C2orf76: variants seen among roughly 807,000 people sequenced by gnomAD.
C2orf76 encodes the protein UPF0538 protein C2orf76.
A neutral mutation model predicts 16.9 loss-of-function variants in C2orf76; 23 were observed. That is an observed-to-expected ratio of 1.36 (90% CI 0.98 to 1.93). The LOEUF (loss-of-function observed/expected upper bound fraction) is 1.93, where lower values mean the gene tolerates loss of function less well. C2orf76 is among the 30% of genes most tolerant of loss of function. The pLI is 0.00. For missense variants in C2orf76, 152 were observed against 152.6 expected (o/e 1.00, Z 0.02); for synonymous variants, 48 against 52.3 (o/e 0.92, Z 0.35).
chr2:119,310,879 A>C (rs1243825106), intron 5 of C2orf76, among the ~76,000 whole-genome samples: 5 of 152,170 alleles, frequency 3.3e-5, no homozygotes, highest in Non-Finnish European at 7.3e-5. Flanking sequence ...GTCTCAAAAA[A>C]TAAATAAATT....
the C2orf76 span, among the ~76,000 whole-genome samples, chr2:119,287,329 A>C: frequency 2.6e-5 from 4 of 152,152 alleles, no homozygotes; most frequent in African/African-American, 9.7e-5. Context: ...CAATATCCAC[A>C]TAATGGAAGT....
At chr2:119,323,136 C>A (rs1301896403) in intron 2 of C2orf76, among the ~76,000 whole-genome samples, 1 of 151,996 alleles carries the variant, frequency 6.6e-6, no homozygotes. Context: ...CCCACCTCAG[C>A]CTCCCAAGTA....
chr2:119,350,802 A>G (rs183860323), intron 1 of C2orf76, among the ~76,000 whole-genome samples: 1 of 152,312 alleles, frequency 6.6e-6, no homozygotes, highest in African/African-American at 2.4e-5. Context: ...CCCCTTCCCA[A>G]GCTGGCTGGT....
intron 1 of C2orf76, among the ~76,000 whole-genome samples, chr2:119,345,379 TA>T (rs1443411650): frequency 2.6e-5 from 4 of 152,270 alleles, no homozygotes; most frequent in East Asian, 1.9e-4. Flanking sequence ...GAGAAACAAA[TA>T]TTTTTTTATA....
chr2:119,345,725 A>G (rs1438035885), intron 1 of C2orf76, among the ~76,000 whole-genome samples: 1 of 152,198 alleles, frequency 6.6e-6, no homozygotes, highest in Admixed American at 6.5e-5. Context: ...GATGAAAAAA[A>G]GTTTCTTCTT....
chr2:119,283,694 T>C, the C2orf76 span, among the ~76,000 whole-genome samples: 4 of 152,022 alleles, frequency 2.6e-5, no homozygotes, highest in Non-Finnish European at 4.4e-5. Context: ...AGCCTGGTCT[T>C]GAACTCCTGA....
At chr2:119,306,170 C>T (rs1678776839) in intron 5 of C2orf76, among the ~76,000 whole-genome samples, 1 of 151,978 alleles carries the variant, frequency 6.6e-6, no homozygotes, top group South Asian at 2.1e-4. Flanking sequence ...AACATACTGT[C>T]GAAGGAAGAA....
chr2:119,335,957 G>A (rs1456666962), intron 2 of C2orf76, among the ~76,000 whole-genome samples: 2 of 152,116 alleles, frequency 1.3e-5, no homozygotes, highest in African/African-American at 2.4e-5. Flanking sequence ...AGTAAGAATC[G>A]AAATGCTTGC....
intron 2 of C2orf76, among the ~76,000 whole-genome samples, chr2:119,322,083 G>A (rs1310901382): frequency 6.6e-6 from 1 of 151,834 alleles, no homozygotes; most frequent in Non-Finnish European, 1.5e-5. Context: ...AATATCTGCT[G>A]GTACAACACC....
At chr2:119,298,410 T>C (rs991142808), downstream of C2orf76, among the ~76,000 whole-genome samples, 4 of 152,160 alleles carry the variant, frequency 2.6e-5, no homozygotes, top group African/African-American at 9.7e-5. Flanking sequence ...GTAAATTTTA[T>C]TAGTTTCCAT....
chr2:119,366,513 G>A (rs537263005), intron 1 of C2orf76: 2 of 471,682 alleles, frequency 4.2e-6, no homozygotes, highest in Admixed American at 4.7e-5. Context: ...CTGCTCATCA[G>A]GGACCATCTC....
chr2:119,301,618 G>A (rs563361805), downstream of C2orf76, among the ~76,000 whole-genome samples: 81 of 152,260 alleles, frequency 5.3e-4, 2 homozygotes, highest in South Asian at 0.011. Flanking sequence ...CTCTCCAGGA[G>A]TTCTGATTAA....
At position 119,322,507 on chromosome 2, in the gene C2orf76, C is replaced by T. The variant is rs536505336; in HGVS notation, c.134-1303G>A. On this transcript the variant is annotated intron_variant, in intron 2 of 5. Coordinates refer to ENST00000334816, the MANE Select transcript of C2orf76 (RefSeq NM_001322331.2). ...ACAGGCATGAGCTACTATGCCCAGCCGGAAATTTATTATCATAGAACTATA... is the reference window on the plus strand; with the variant it reads ...ACAGGCATGAGCTACTATGCCCAGCTGGAAATTTATTATCATAGAACTATA... Among the ~76,000 whole-genome samples the T allele has an allele frequency of 1.1e-3, 164 of 152,092 alleles. 2 individuals are homozygous for T. The highest frequency in any genetic ancestry group is 3.3e-3 in the African/African-American group (135 of 41,488).
At chr2:119,282,170 AG>A in the C2orf76 span, among the ~76,000 whole-genome samples, 6 of 152,196 alleles carry the variant, frequency 3.9e-5, no homozygotes, top group Non-Finnish European at 7.4e-5. Flanking sequence ...AGATATAAAA[AG>A]TTGGGAAAGT....
At chr2:119,281,234 A>C in the C2orf76 span, among the ~76,000 whole-genome samples, 1 of 152,200 alleles carries the variant, frequency 6.6e-6, no homozygotes, top group Non-Finnish European at 1.5e-5. Flanking sequence ...TATTAAGCCC[A>C]GTACCCAAAA....
At position 119,311,662 on chromosome 2, in the gene C2orf76, G is replaced by C. The variant is rs1678993646; in HGVS notation, c.264C>G (p.Leu88=). 1 of 1,612,442 alleles carries C rather than the reference G, an allele frequency of 6.2e-7. No homozygotes were observed. The highest frequency in any genetic ancestry group is 8.5e-7 in the Non-Finnish European group (1 of 1,179,786). The change falls in exon 5 of 6, where the codon CTC becomes CTG. Residue 88 remains leucine, a synonymous_variant. Transcript: ENST00000334816. ...LVLSLEDDER[L]LLKEDSTLKA... ...TCAGAGTGCTGTCTTCTTTCAGCAG[G>C]AGTCTTTCGTCATCTTCCAAACTCA... is the stretch of plus-strand genomic sequence containing the variant.
At chr2:119,298,306 C>T (rs1310666126), downstream of C2orf76, among the ~76,000 whole-genome samples, 2 of 152,066 alleles carry the variant, frequency 1.3e-5, no homozygotes, top group East Asian at 3.9e-4. Context: ...AAGTAGGACC[C>T]TTAACTGTTT....
At chr2:119,305,178 C>T (rs1422131768) in intron 5 of C2orf76, among the ~76,000 whole-genome samples, 4 of 152,172 alleles carry the variant, frequency 2.6e-5, no homozygotes, top group African/African-American at 9.7e-5. Flanking sequence ...CCTCCAAATA[C>T]ATTTGCAGGA....
At chr2:119,329,896 T>TA (rs1159931824) in intron 2 of C2orf76, among the ~76,000 whole-genome samples, 1 of 152,174 alleles carries the variant, frequency 6.6e-6, no homozygotes, top group East Asian at 1.9e-4. Flanking sequence ...TTATTATATT[T>TA]ACCATTTCCA....
Sources: gnomAD v4.1 joint callset for allele counts (sites outside exome capture counted in the v4.1 genomes callset) on GRCh38, gnomAD v4.1.1 for gene constraint, MANE v1.5 for transcripts, NCBI Gene and HGNC (gene_info 2026-07-23, HGNC 2026-07-21) for gene names.